The following CTNND2 variants were observed in gnomAD, a reference collection of about 807,000 sequenced individuals.
The protein encoded by CTNND2 is catenin delta 2.
A neutral mutation model predicts 144.4 loss-of-function variants in CTNND2; 22 were observed. The observed-to-expected ratio is 0.15, with a 90% CI of 0.11 to 0.22. The LOEUF is 0.22. CTNND2 is among the 10% of genes least tolerant of loss of function. The pLI is 1.00. For missense variants in CTNND2, 1,353 were observed against 1,618.8 expected (o/e 0.84, Z 2.82); for synonymous variants, 751 against 695.6 (o/e 1.08, Z -1.25).
At chr5:11,296,358 A>T (rs1295347171) in intron 9 of CTNND2, among the ~76,000 whole-genome samples, 4 of 152,170 alleles carry the variant, frequency 2.6e-5, no homozygotes, top group Non-Finnish European at 5.9e-5. Context: ...GATGTGGAGA[A>T]AAAGGAACAC....
intron 9 of CTNND2, among the ~76,000 whole-genome samples, chr5:11,241,839 A>T (rs1458601990): frequency 6.6e-6 from 1 of 152,192 alleles, no homozygotes; most frequent in Non-Finnish European, 1.5e-5. Flanking sequence ...ATCCTTAAGG[A>T]CAAAGAGGAT....
intron 2 of CTNND2, among the ~76,000 whole-genome samples, chr5:11,706,107 C>T (rs1483645572): frequency 2.0e-5 from 3 of 152,144 alleles, no homozygotes; most frequent in Admixed American, 6.5e-5. Flanking sequence ...TGAACAAATT[C>T]TGCCAACAGT....
chr5:11,475,096 T>C (rs1767591378), intron 3 of CTNND2, among the ~76,000 whole-genome samples: 1 of 152,230 alleles, frequency 6.6e-6, no homozygotes, highest in African/African-American at 2.4e-5. Context: ...GTCTCAGGTA[T>C]TACCGCCATT....
At chr5:11,397,260 AT>A (rs1490893403) in intron 5 of CTNND2, 57 bp from the exon 6 acceptor site, 2 of 1,485,262 alleles carry the variant, frequency 1.3e-6, no homozygotes, top group East Asian at 4.6e-5. Context: ...CAGAAATGAC[AT>A]GTATTATTTA....
chr5:11,305,810 G>A (rs1237152660), intron 9 of CTNND2, among the ~76,000 whole-genome samples: 3 of 152,210 alleles, frequency 2.0e-5, no homozygotes, highest in Non-Finnish European at 4.4e-5. Context: ...CTTCTCGAGC[G>A]CATCTGAGAG....
intron 2 of CTNND2, among the ~76,000 whole-genome samples, chr5:11,659,066 C>A (rs1307638657): frequency 6.6e-6 from 1 of 152,068 alleles, no homozygotes; most frequent in Non-Finnish European, 1.5e-5. Context: ...ATGTGGTTCA[C>A]CCTTTGTATT....
chr5:11,385,101 GGC>G lies in CTNND2; in HGVS notation c.739_740del (p.Ala247ArgfsTer178), dbSNP rs1168676336. On this transcript the variant is annotated frameshift_variant, in exon 7 of 22. Transcript: ENST00000304623. LOFTEE classifies it high-confidence loss of function. ...TGGAGTAGTAGAGCGCGGCGGCGGCGGCGGCGGGCGGCGCGTCGGGCAGGTGG... is the reference window on the plus strand; with the variant it reads ...TGGAGTAGTAGAGCGCGGCGGCGGCGGGCGGGCGGCGCGTCGGGCAGGTGG... Reference protein sequence around the residue: ...AFHLPDAPPAAAAAALYYSSS... With the variant: ...AFHLPDAPPAXAAAALYYSSS... 2 of 1,032,418 alleles carry G rather than the reference GGC, an allele frequency of 1.9e-6. No homozygotes were observed. Among genetic ancestry groups the G allele is most frequent in the East Asian group, 9.7e-5 (1 of 10,334 alleles). The allele number at this position is 1,032,418 out of a possible 1,614,324, so 64.0% of individuals were successfully genotyped here. A position where few individuals can be genotyped will look rare whatever the true frequency, so the allele number is the denominator to read the frequency against.
chr5:10,984,521 A>C (rs997476070), intron 20 of CTNND2, among the ~76,000 whole-genome samples: 6 of 151,910 alleles, frequency 3.9e-5, no homozygotes. Context: ...GGAATCTTAA[A>C]AGCACGAGGC....
chr5:11,404,539 C>T (rs1196851886), intron 5 of CTNND2, among the ~76,000 whole-genome samples: 1 of 142,708 alleles, frequency 7.0e-6, no homozygotes, highest in Non-Finnish European at 1.5e-5. Flanking sequence ...GAGTTGGTTA[C>T]ATCAGTTACT....
chr5:11,451,236 C>T (rs2149913120), intron 3 of CTNND2, among the ~76,000 whole-genome samples: 1 of 152,062 alleles, frequency 6.6e-6, no homozygotes, highest in Middle Eastern at 3.5e-3. Context: ...TAATTTTTCC[C>T]ATATAATCAC....
rs371324652 is a variant in CTNND2 at position 11,564,368 on chromosome 5, T to C, written c.287+576A>G. ...GGTTCTAAGGAGGATAATTTTATTT[T>C]GTGGTCAAGTGGCTAAAAAGTTATA... On this transcript the variant is annotated intron_variant, in intron 3 of 21. Coordinates refer to ENST00000304623, the MANE Select transcript of CTNND2 (RefSeq NM_001332.4). 1.8e-3 allele frequency among the ~76,000 whole-genome samples: 277 copies of C among 152,314 alleles called. 2 individuals are homozygous for C. Among genetic ancestry groups the C allele is most frequent in the African/African-American group, 6.5e-3 (270 of 41,570 alleles).
At chr5:11,479,611 C>T (rs1420324776) in intron 3 of CTNND2, among the ~76,000 whole-genome samples, 1 of 152,146 alleles carries the variant, frequency 6.6e-6, no homozygotes, top group Non-Finnish European at 1.5e-5. Flanking sequence ...TTTACACTTC[C>T]ACCAACAGTG....
intron 2 of CTNND2, among the ~76,000 whole-genome samples, chr5:11,619,489 G>A (rs909684513): frequency 1.3e-5 from 2 of 152,138 alleles, no homozygotes; most frequent in Non-Finnish European, 2.9e-5. Flanking sequence ...CATGCAGTCT[G>A]AGAGTACAGT....
rs145781056 is a variant in CTNND2, at chr5:11,260,431, T to C, written c.1629-23608A>G. 2.4e-4 allele frequency among the ~76,000 whole-genome samples: 37 copies of C among 152,146 alleles called. No individual in the cohort carries two copies. The East Asian group carries it at 6.9e-3, about 29-fold the overall frequency. Reference sequence around the variant, plus strand: ...CACAAGGTCTCACACGAAAACCCAATGAAAAAAAACCAGTAAAATTATCTT... The same window carrying C: ...CACAAGGTCTCACACGAAAACCCAACGAAAAAAAACCAGTAAAATTATCTT... On this transcript the variant is annotated intron_variant, in intron 9 of 21. Transcript: ENST00000304623.
At chr5:10,980,952 T>G (rs1413390234) in intron 21 of CTNND2, among the ~76,000 whole-genome samples, 1 of 152,028 alleles carries the variant, frequency 6.6e-6, no homozygotes, top group Non-Finnish European at 1.5e-5. Context: ...GGATGTCGGG[T>G]TGATGGGTGC....
chr5:11,313,451 G>A (rs780164502), intron 9 of CTNND2, among the ~76,000 whole-genome samples: 10 of 152,184 alleles, frequency 6.6e-5, no homozygotes, highest in Non-Finnish European at 1.2e-4. Context: ...AGACCTGTGG[G>A]AACAACTGGA....
intron 2 of CTNND2, among the ~76,000 whole-genome samples, chr5:11,704,354 A>G (rs1035363320): frequency 6.6e-6 from 1 of 152,246 alleles, no homozygotes; most frequent in Non-Finnish European, 1.5e-5. Context: ...GAAGTAACAC[A>G]TACCATTTTT....
intron 3 of CTNND2, among the ~76,000 whole-genome samples, chr5:11,480,110 T>C (rs112127093): frequency 0.016 from 2,509 of 152,300 alleles, 84 homozygotes; most frequent in African/African-American, 0.057. Flanking sequence ...TGGTATTGCC[T>C]ATGTTGTCTT....
intron 11 of CTNND2, among the ~76,000 whole-genome samples, chr5:11,175,500 CAT>C (rs775082465): frequency 2.6e-5 from 4 of 152,194 alleles, no homozygotes; most frequent in East Asian, 3.8e-4. Context: ...GCATTCAACA[CAT>C]GTTACGGATA....
Sources: allele counts gnomAD v4.1 joint callset (sites outside exome capture counted in the v4.1 genomes callset), GRCh38; gene constraint gnomAD v4.1.1; transcripts MANE v1.5; gene names NCBI Gene and HGNC (gene_info 2026-07-23, HGNC 2026-07-21).